FYB2: variants seen among roughly 807,000 people sequenced by gnomAD.
FYB2 encodes FYN binding protein 2.
In FYB2, 103 loss-of-function variants were observed where a neutral mutation model predicts 94.1. The observed-to-expected ratio is 1.09, with a 90% CI of 0.93 to 1.29. The LOEUF (loss-of-function observed/expected upper bound fraction) is 1.29, where lower values mean the gene tolerates loss of function less well. Among genes scored for constraint, FYB2 ranks in the 50% most tolerant of loss-of-function variants. The pLI is 0.00. For synonymous variants in FYB2, 293 were observed against 287.9 expected (o/e 1.02, Z -0.18); for missense variants, 896 against 841.5 (o/e 1.06, Z -0.80).
intron 1 of FYB2, among the ~76,000 whole-genome samples, chr1:56,816,697 C>A (rs1322893604): frequency 6.6e-6 from 1 of 152,164 alleles, no homozygotes; most frequent in Non-Finnish European, 1.5e-5. Flanking sequence ...GCCTGGGCCT[C>A]TTCCTTGAAC....
rs554660728 is a variant in FYB2, at chr1:56,795,924, G to A, written c.10-3121C>T. ...ATACCTGGCTCTTTACTCTTTCAAC[G>A]CATGTTCATTAAGTATCTACATACA... On this transcript the variant is annotated intron_variant, in intron 1 of 19. Transcript: ENST00000343433. Among the ~76,000 whole-genome samples, 139 of 152,252 alleles carry A rather than the reference G, an allele frequency of 9.1e-4. 1 individual carries two copies. The highest frequency in any genetic ancestry group is 3.0e-3 in the African/African-American group (123 of 41,566).
intron 2 of FYB2, among the ~76,000 whole-genome samples, chr1:56,790,109 T>C (rs867457267): frequency 1.3e-5 from 2 of 152,228 alleles, no homozygotes; most frequent in Admixed American, 1.3e-4. Context: ...CAAAATCTTA[T>C]GTAATCCAAC....
intron 4 of FYB2, among the ~76,000 whole-genome samples, chr1:56,783,887 G>T (rs1289058983): frequency 6.6e-6 from 1 of 152,116 alleles, no homozygotes; most frequent in Non-Finnish European, 1.5e-5. Flanking sequence ...AGAGACTAAA[G>T]TTCTGAGCAT....
At chr1:56,791,651 G>A (rs866076119) in intron 2 of FYB2, among the ~76,000 whole-genome samples, 12 of 152,164 alleles carry the variant, frequency 7.9e-5, no homozygotes, top group Admixed American at 7.9e-4. Flanking sequence ...TGAGGGAGGA[G>A]AAGGGAAATA....
chr1:56,818,478 A>G (rs892577129), intron 1 of FYB2, among the ~76,000 whole-genome samples: 6 of 150,750 alleles, frequency 4.0e-5, no homozygotes, highest in Non-Finnish European at 4.4e-5. Flanking sequence ...ACACACACAC[A>G]CACACACACA....
At chr1:56,800,386 A>C (rs1370283509) in intron 1 of FYB2, among the ~76,000 whole-genome samples, 2 of 152,212 alleles carry the variant, frequency 1.3e-5, no homozygotes, top group Non-Finnish European at 2.9e-5. Context: ...AAGGGATAGG[A>C]ACAACAGAAC....
rs1646288634 is a variant in FYB2 at position 56,792,301 on chromosome 1, C to T, written c.512G>A (p.Gly171Glu). 2 of 1,613,068 alleles carry T rather than the reference C, an allele frequency of 1.2e-6. No homozygotes were observed. The highest frequency in any genetic ancestry group is 1.7e-5 in the Admixed American group (1 of 59,754). ...TGGAGTAAGCCCCATGCCTTTTTGC[C>T]CTTCCAGATGGATGGCCTTACTTCC... The part of the protein sequence containing the change: ...NYGSKAIHLE[G>E]QKGMGLTPEE... The change falls in exon 2 of 20, where the codon GGG (glycine) becomes GAG (glutamate). Residue 171 changes from glycine to glutamate, a missense_variant. Transcript: ENST00000343433.
Position 56,800,310 on chromosome 1 carries a change from C to T in FYB2, c.10-7507G>A, listed in dbSNP as rs1220153608. Among the ~76,000 whole-genome samples, 4 of 152,122 alleles carry T rather than the reference C, an allele frequency of 2.6e-5. No homozygotes were observed. In the East Asian group the frequency reaches 7.7e-4, roughly 29 times the overall value. On this transcript the variant is annotated intron_variant, in intron 1 of 19. Transcript: ENST00000343433. ...TAAAAGGGCTTCAATTCAACCTTCA[C>T]TACTATAAGAGCTATAATAATGGTG...
chr1:56,826,872 C>T, the FYB2 span: 1 of 152,248 alleles, frequency 6.6e-6, no homozygotes, highest in Admixed American at 6.5e-5. Flanking sequence ...CATGGTCTTT[C>T]TTTCCAGCTC....
At chr1:56,752,482 A>G (rs917956769) in intron 8 of FYB2, among the ~76,000 whole-genome samples, 1 of 152,094 alleles carries the variant, frequency 6.6e-6, no homozygotes, top group African/African-American at 2.4e-5. Flanking sequence ...AATAGACATA[A>G]GGAGTGGATT....
intron 4 of FYB2, among the ~76,000 whole-genome samples, chr1:56,778,813 T>C (rs1443296519): frequency 6.6e-6 from 1 of 152,214 alleles, no homozygotes; most frequent in African/African-American, 2.4e-5. Flanking sequence ...TTATTTATTT[T>C]TCTTCCCAAC....
At position 56,738,665 on chromosome 1, in the gene FYB2, C is replaced by A. The variant is rs1422366579; in HGVS notation, c.1704-12G>T. On this transcript the variant is annotated splice_polypyrimidine_tract_variant and intron_variant, in intron 13 of 19. Transcript: ENST00000343433. ...AAATGGAAAATGCACTGTTGATTGA[C>A]AAAAGACACAAAAGAGTTAAGGAAA... 1 of 1,608,732 alleles carries A rather than the reference C, an allele frequency of 6.2e-7. No individual in the cohort carries two copies. Among genetic ancestry groups the A allele is most frequent in the Non-Finnish European group, 8.5e-7 (1 of 1,177,370 alleles).
chr1:56,792,386 A>G lies in FYB2; in HGVS notation c.427T>C (p.Trp143Arg), dbSNP rs1483159503. Reference sequence around the variant, plus strand: ...CTTTTCTGAGATGAAACCTTCTCCCAGTTCCAGAGTTTGTTTCTGAAGCTA... The same window carrying G: ...CTTTTCTGAGATGAAACCTTCTCCCGGTTCCAGAGTTTGTTTCTGAAGCTA... ...ANSFRNKLWN[W>R]EKVSSQKSEM... is the part of the protein sequence containing the mutation. Residue 143 changes from tryptophan (W) to arginine (R), a missense_variant, in exon 2 of 20, where the codon TGG becomes CGG. Physicochemically the swap from Trp to Arg is moderately radical, Grantham distance 101. Coordinates refer to ENST00000343433, the MANE Select transcript of FYB2 (RefSeq NM_001004303.5). The G allele has an allele frequency of 1.2e-6, 2 of 1,614,060 alleles. No individual in the cohort carries two copies. The highest frequency in any genetic ancestry group is 1.7e-5 in the Admixed American group (1 of 60,002).
chr1:56,751,637 A>G (rs1221673792), intron 8 of FYB2, among the ~76,000 whole-genome samples: 1 of 152,000 alleles, frequency 6.6e-6, no homozygotes, highest in Non-Finnish European at 1.5e-5. Context: ...GATGCTATGT[A>G]TTCCTTTTCA....
chr1:56,805,723 T>C (rs1646631014), intron 1 of FYB2, among the ~76,000 whole-genome samples: 1 of 152,202 alleles, frequency 6.6e-6, no homozygotes, highest in African/African-American at 2.4e-5. Context: ...TTTCCTGTGC[T>C]GCTCTCATGA....
intron 5 of FYB2, among the ~76,000 whole-genome samples, chr1:56,767,597 A>C (rs1372460600): frequency 6.6e-6 from 1 of 152,198 alleles, no homozygotes; most frequent in East Asian, 1.9e-4. Context: ...AGGGGAGAAA[A>C]GAAGAGGCTG....
intron 2 of FYB2, among the ~76,000 whole-genome samples, chr1:56,790,827 G>T (rs950390849): frequency 4.6e-5 from 7 of 152,188 alleles, no homozygotes; most frequent in African/African-American, 1.2e-4. Flanking sequence ...ATAGAGAGAG[G>T]TTAGAGAAAG....
At chr1:56,747,029 G>T (rs750740228) in intron 9 of FYB2, among the ~76,000 whole-genome samples, 17 of 151,612 alleles carry the variant, frequency 1.1e-4, no homozygotes, top group Non-Finnish European at 2.2e-4. Context: ...CCTTTTGGAT[G>T]GTCTCTTTGG....
At chr1:56,817,113 G>T (rs939396860) in intron 1 of FYB2, among the ~76,000 whole-genome samples, 5 of 152,118 alleles carry the variant, frequency 3.3e-5, no homozygotes, top group African/African-American at 1.2e-4. Context: ...GTCATTGCCT[G>T]GTCCACAATG....
Sources: gnomAD v4.1 joint callset for allele counts (sites outside exome capture counted in the v4.1 genomes callset) on GRCh38, gnomAD v4.1.1 for gene constraint, MANE v1.5 for transcripts, NCBI Gene and HGNC (gene_info 2026-07-23, HGNC 2026-07-21) for gene names.